Variants in CSMD3 observed in about 807,000 individuals in gnomAD.
CSMD3 encodes CUB and Sushi multiple domains 3.
Under a neutral mutation model 435.2 loss-of-function variants are expected in CSMD3, and 177 were observed. That is an observed-to-expected ratio of 0.41 (90% CI 0.36 to 0.46). CSMD3 has a LOEUF of 0.46. CSMD3 is among the 20% of genes least tolerant of loss of function. The pLI is 0.34. For synonymous variants in CSMD3, 1,656 were observed against 1,520.5 expected, an observed-to-expected ratio of 1.09 and a Z score of -2.07; for missense variants, 4,265 against 4,504.6, an observed-to-expected ratio of 0.95 and a Z score of 1.52.
chr8:112,266,694 A>G (rs1258706913), intron 59 of CSMD3, among the ~76,000 whole-genome samples: 3 of 152,194 alleles, frequency 2.0e-5, no homozygotes, highest in Non-Finnish European at 4.4e-5. Flanking sequence ...AAGACTTGAG[A>G]CAGCTTAGAA....
At chr8:112,531,012 T>C (rs1418873829) in intron 27 of CSMD3, among the ~76,000 whole-genome samples, 1 of 151,934 alleles carries the variant, frequency 6.6e-6, no homozygotes, top group Admixed American at 6.6e-5. Flanking sequence ...CAACCCAGTG[T>C]GACATCAGCT....
At position 112,289,373 on chromosome 8, in the gene CSMD3, T is replaced by C. The variant is rs1819536625; in HGVS notation, c.9140A>G (p.His3047Arg). ...LNGHWSGSQP[H>R]CSGDATGTCG... The stretch of plus-strand genomic sequence containing the variant: ...AATTTTCCAAGTGGTACCTGAACAA[T>C]GAGGTTGTGATCCACTCCAATGGCC... The change falls in exon 57 of 71, where the codon CAT becomes CGT. Residue 3047 changes from histidine to arginine, a missense_variant. By Grantham distance (29) the His-to-Arg change is conservative. This residue lies in a region of CSMD3 where 3,255 missense variants were observed against 3,380.2 expected (regional missense o/e 0.96). Coordinates refer to ENST00000297405, the MANE Select transcript of CSMD3 (RefSeq NM_198123.2). 1 of 1,612,778 alleles carries C rather than the reference T, an allele frequency of 6.2e-7. No individual in the cohort carries two copies. Among genetic ancestry groups the C allele is most frequent in the Non-Finnish European group, 8.5e-7 (1 of 1,179,028 alleles).
At chr8:112,310,332 G>GAA in intron 50 of CSMD3, 1 of 152,744 alleles carries the variant, frequency 6.5e-6, no homozygotes, top group Non-Finnish European at 1.5e-5. Context: ...TCATTCTCCG[G>GAA]CCTCAGCCTC....
chr8:112,426,909 C>T (rs984399944), intron 32 of CSMD3, among the ~76,000 whole-genome samples: 10 of 152,252 alleles, frequency 6.6e-5, no homozygotes, highest in Non-Finnish European at 1.2e-4. Flanking sequence ...ATCGTGATAC[C>T]TTGCAATCAT....
chr8:112,498,681 TTATCTC>T (rs1821620567), intron 30 of CSMD3, among the ~76,000 whole-genome samples: 2 of 152,142 alleles, frequency 1.3e-5, no homozygotes, highest in Admixed American at 1.3e-4. Flanking sequence ...GAACCTCACT[TTATCTC>T]TACAGATTTG....
At chr8:113,361,000 C>T (rs954565432) in intron 1 of CSMD3, among the ~76,000 whole-genome samples, 1 of 151,934 alleles carries the variant, frequency 6.6e-6, no homozygotes, top group African/African-American at 2.4e-5. Context: ...CAAGTAGTGA[C>T]TGAATAGTTT....
chr8:113,002,685 G>A (rs1037613079), intron 6 of CSMD3, among the ~76,000 whole-genome samples: 4 of 152,032 alleles, frequency 2.6e-5, no homozygotes, highest in Non-Finnish European at 5.9e-5. Context: ...GACTTAATGT[G>A]ACTAGGTTAT....
chr8:113,125,045 T>C (rs985871498), intron 4 of CSMD3, among the ~76,000 whole-genome samples: 3 of 151,994 alleles, frequency 2.0e-5, no homozygotes, highest in African/African-American at 7.2e-5. Context: ...TTTCTAAACA[T>C]AGCATGCTGT....
intron 64 of CSMD3, among the ~76,000 whole-genome samples, chr8:112,245,337 CCT>C (rs1013436673): frequency 6.6e-6 from 1 of 151,884 alleles, no homozygotes; most frequent in African/African-American, 2.4e-5. Context: ...AAATTTTTCC[CCT>C]GAAACAGATA....
At chr8:112,699,756 C>T (rs1291253719) in intron 13 of CSMD3, among the ~76,000 whole-genome samples, 9 of 152,098 alleles carry the variant, frequency 5.9e-5, no homozygotes, top group Non-Finnish European at 4.4e-5. Flanking sequence ...GTGGCCTATG[C>T]CTGGATATGG....
intron 7 of CSMD3, 139 bp downstream of exon 7, chr8:112,975,698 A>C: frequency 7.6e-7 from 1 of 1,313,342 alleles, no homozygotes; most frequent in South Asian, 1.4e-5. Flanking sequence ...GTTACTATCC[A>C]TATTTTTCAG....
At chr8:112,470,591 G>T (rs1273898675) in intron 32 of CSMD3, among the ~76,000 whole-genome samples, 3 of 151,874 alleles carry the variant, frequency 2.0e-5, no homozygotes, top group Non-Finnish European at 4.4e-5. Context: ...TTAACCCAAT[G>T]ATATTAAGCA....
chr8:112,950,963 C>T (rs2083785835), intron 8 of CSMD3, among the ~76,000 whole-genome samples: 1 of 151,850 alleles, frequency 6.6e-6, no homozygotes. Context: ...TTTCTGTCTG[C>T]TTGAAAGTGT....
intron 65 of CSMD3, among the ~76,000 whole-genome samples, chr8:112,243,262 A>G (rs1814345332): frequency 6.6e-6 from 1 of 152,116 alleles, no homozygotes; most frequent in Non-Finnish European, 1.5e-5. Flanking sequence ...GAAAAATAGC[A>G]GAGGAATGTT....
rs949369823 is a variant in CSMD3, at chr8:113,072,265, T to C, written c.917+26491A>G. Among the ~76,000 whole-genome samples the C allele has an allele frequency of 2.0e-5, 3 of 151,838 alleles. No homozygotes were observed. In the South Asian group the frequency reaches 6.2e-4, roughly 31 times the overall value. On this transcript the variant is annotated intron_variant, in intron 5 of 70. Coordinates refer to ENST00000297405, the MANE Select transcript of CSMD3 (RefSeq NM_198123.2). ...CATCTAAAGCATTAATTTTACTTCT[T>C]CTTATTTAGATGTTTTCTTTTTTTT...
At chr8:113,339,659 T>C (rs2094104186) in intron 1 of CSMD3, among the ~76,000 whole-genome samples, 1 of 152,016 alleles carries the variant, frequency 6.6e-6, no homozygotes. Flanking sequence ...TGTGTTTAGA[T>C]TGTTATTAGA....
intron 1 of CSMD3, among the ~76,000 whole-genome samples, chr8:113,422,957 T>A (rs2094616077): frequency 6.6e-6 from 1 of 152,022 alleles, no homozygotes; most frequent in African/African-American, 2.4e-5. Context: ...AATATGTGCA[T>A]ATACACAATG....
In CSMD3 at chr8:112,255,328, A is replaced by T; in HGVS notation, c.9962T>A (p.Phe3321Tyr). 6.2e-7 allele frequency: 1 copy of T among 1,613,672 alleles called. No homozygotes were observed. The change falls in exon 62 of 71, where the codon TTC (phenylalanine) becomes TAC (tyrosine). Residue 3321 changes from phenylalanine to tyrosine, a missense_variant. By Grantham distance (22) the Phe-to-Tyr change is conservative. Transcript: ENST00000297405. ...SEVSFSCNFP[F>Y]ILVGSSTRIC... ...TCTGGTGCTTGATCCCACTAATATG[A>T]AAGGAAAATTGCAGCTGAATGAAAC...
At chr8:112,468,764 T>C (rs1016935079) in intron 32 of CSMD3, among the ~76,000 whole-genome samples, 1 of 152,054 alleles carries the variant, frequency 6.6e-6, no homozygotes, top group Non-Finnish European at 1.5e-5. Context: ...ATAAGTAGGA[T>C]TTTTTAAATC....
Sources: allele counts gnomAD v4.1 joint callset (sites outside exome capture counted in the v4.1 genomes callset), GRCh38; gene constraint gnomAD v4.1.1; regional missense constraint gnomAD v4.1.1; transcripts MANE v1.5; gene names NCBI Gene and HGNC (gene_info 2026-07-23, HGNC 2026-07-21).